The following ZNF678 variants were observed in gnomAD, a reference collection of about 807,000 sequenced individuals.
The protein encoded by ZNF678 is hypothetical protein MGC42493.
Under a neutral mutation model 3.0 loss-of-function variants are expected in ZNF678, and 5 were observed. The ratio of observed to expected loss-of-function variants is 1.69; its 90% CI spans 0.88 to 3.56. The LOEUF is 3.56. Among genes scored for constraint, ZNF678 ranks in the 30% most tolerant of loss-of-function variants. The pLI is 0.00. For missense variants in ZNF678, 593 were observed against 605.0 expected (o/e 0.98, Z 0.21); for synonymous variants, 218 against 199.6 (o/e 1.09, Z -0.78).
rs561518661 is a variant in ZNF678, at chr1:227,626,035, A to G, written c.-163-20509A>G. Reference sequence around the variant, plus strand: ...CGATGGGGCATCAATATTTCTGGGAAGCTGCATTCTCCCTAGAAGCTCTTC... The same window carrying G: ...CGATGGGGCATCAATATTTCTGGGAGGCTGCATTCTCCCTAGAAGCTCTTC... On this transcript the variant is annotated intron_variant, in intron 1 of 3. Transcript: ENST00000343776. 1.7e-4 allele frequency among the ~76,000 whole-genome samples: 26 copies of G among 152,294 alleles called. No homozygotes were observed. In the South Asian group the frequency reaches 4.6e-3, roughly 27 times the overall value.
At chr1:227,578,908 A>G (rs1304772962) in intron 1 of ZNF678, among the ~76,000 whole-genome samples, 1 of 152,018 alleles carries the variant, frequency 6.6e-6, no homozygotes, top group South Asian at 2.1e-4. Flanking sequence ...TGGCCTTTGG[A>G]TGCGCTTTCT....
chr1:227,588,597 T>C (rs1158439907), intron 1 of ZNF678, among the ~76,000 whole-genome samples: 1 of 151,300 alleles, frequency 6.6e-6, no homozygotes, highest in East Asian at 2.0e-4. Context: ...CCTCCTGTGT[T>C]CAAGTGATTT....
At chr1:227,602,109 T>C (rs1263778904) in intron 1 of ZNF678, among the ~76,000 whole-genome samples, 1 of 152,200 alleles carries the variant, frequency 6.6e-6, no homozygotes, top group African/African-American at 2.4e-5. Context: ...CTATGTTGAA[T>C]AGGAGTGGTT....
chr1:227,616,207 A>C (rs1658137296), intron 1 of ZNF678, among the ~76,000 whole-genome samples: 1 of 152,170 alleles, frequency 6.6e-6, no homozygotes, highest in Non-Finnish European at 1.5e-5. Flanking sequence ...CCTTCACCAA[A>C]GGAGAGATAG....
chr1:227,646,825 A>G (rs1470032735), intron 2 of ZNF678, among the ~76,000 whole-genome samples, 155 bp downstream of exon 2: 3 of 152,200 alleles, frequency 2.0e-5, no homozygotes, highest in African/African-American at 7.2e-5. Flanking sequence ...TGTAGAAAAT[A>G]AAATCTTCAA....
intron 1 of ZNF678, among the ~76,000 whole-genome samples, chr1:227,596,044 C>G (rs528042401): frequency 6.6e-6 from 1 of 152,118 alleles, no homozygotes; most frequent in African/African-American, 2.4e-5. Context: ...AGTTCCTTCC[C>G]GGTGTTTAGC....
intron 1 of ZNF678, among the ~76,000 whole-genome samples, chr1:227,626,107 G>A (rs1186273978): frequency 1.3e-5 from 2 of 152,188 alleles, no homozygotes; most frequent in African/African-American, 4.8e-5. Context: ...ACAGCAGCAT[G>A]GAGGAGGTGC....
chr1:227,608,089 C>T (rs1657923182), intron 1 of ZNF678, among the ~76,000 whole-genome samples: 1 of 151,712 alleles, frequency 6.6e-6, no homozygotes, highest in African/African-American at 2.4e-5. Flanking sequence ...GTTTAAGGCT[C>T]CAAAAGTATA....
At chr1:227,651,754 T>C (rs1239800401) in intron 3 of ZNF678, among the ~76,000 whole-genome samples, 2 of 152,152 alleles carry the variant, frequency 1.3e-5, no homozygotes, top group Non-Finnish European at 2.9e-5. Context: ...AATGTACTTT[T>C]TGTGTGACAG....
At position 227,637,307 on chromosome 1, in the gene ZNF678, G is replaced by A. The variant is rs545543767; in HGVS notation, c.-163-9237G>A. On this transcript the variant is annotated intron_variant, in intron 1 of 3. Transcript: ENST00000343776. ...GGGGTTTCTATGAATAGAGAATACA[G>A]TTGGAGGAGCCGTGAGGCAGAGATG... Among the ~76,000 whole-genome samples, 3 of 152,346 alleles carry A rather than the reference G, an allele frequency of 2.0e-5. No homozygotes were observed. In the South Asian group the frequency reaches 6.2e-4, roughly 32 times the overall value.
intron 1 of ZNF678, among the ~76,000 whole-genome samples, chr1:227,579,321 G>T (rs1335647162): frequency 6.6e-6 from 1 of 152,082 alleles, no homozygotes; most frequent in African/African-American, 2.4e-5. Context: ...GTGCAGGTCT[G>T]GGTGCTTAAT....
At chr1:227,563,807 C>T (rs970640489) in intron 1 of ZNF678, 83 bp downstream of exon 1, 11 of 1,244,016 alleles carry the variant, frequency 8.8e-6, no homozygotes, top group Non-Finnish European at 1.2e-5. Context: ...GGAGTCCCGG[C>T]TGGCACCTGT....
At chr1:227,610,646 C>G (rs776537790) in intron 1 of ZNF678, among the ~76,000 whole-genome samples, 1 of 152,184 alleles carries the variant, frequency 6.6e-6, no homozygotes, top group Non-Finnish European at 1.5e-5. Context: ...GTGACTATTT[C>G]CTGTCATTGG....
chr1:227,620,719 A>G (rs531048844), intron 1 of ZNF678, among the ~76,000 whole-genome samples: 30 of 152,340 alleles, frequency 2.0e-4, no homozygotes, highest in Non-Finnish European at 4.1e-4. Context: ...TTCAAAAATA[A>G]TATTTATTAA....
At chr1:227,626,179 G>A (rs1463638604) in intron 1 of ZNF678, among the ~76,000 whole-genome samples, 1 of 152,140 alleles carries the variant, frequency 6.6e-6, no homozygotes, top group Non-Finnish European at 1.5e-5. Context: ...GAGGGCCATG[G>A]CGATCTACGA....
chr1:227,568,984 A>C lies in ZNF678; in HGVS notation c.-164+5260A>C, dbSNP rs199942444. Among the ~76,000 whole-genome samples, 10 of 152,332 alleles carry C rather than the reference A, an allele frequency of 6.6e-5. No individual in the cohort carries two copies. The East Asian group carries it at 1.9e-3, about 29-fold the overall frequency. On this transcript the variant is annotated intron_variant, in intron 1 of 3. Transcript: ENST00000343776. Reference sequence around the variant, plus strand: ...TTCTGTACACAGGCTGTCACACTGCACTGTCCTGTGATTCCAGGTGTCCTC... The same window carrying C: ...TTCTGTACACAGGCTGTCACACTGCCCTGTCCTGTGATTCCAGGTGTCCTC...
intron 1 of ZNF678, among the ~76,000 whole-genome samples, chr1:227,625,519 C>T (rs1246017813): frequency 1.3e-5 from 2 of 152,104 alleles, no homozygotes; most frequent in East Asian, 3.8e-4. Context: ...AGTTTTACAG[C>T]TTTGATTTTG....
chr1:227,565,059 T>A (rs113872603), intron 1 of ZNF678, among the ~76,000 whole-genome samples: 4 of 122,742 alleles, frequency 3.3e-5, no homozygotes, highest in South Asian at 3.3e-4. Context: ...CCCGGCTTTT[T>A]TTTTTTTTTT....
At chr1:227,583,246 A>C (rs1657175387) in intron 1 of ZNF678, among the ~76,000 whole-genome samples, 1 of 152,086 alleles carries the variant, frequency 6.6e-6, no homozygotes, top group South Asian at 2.1e-4. Flanking sequence ...CAGGCAACAA[A>C]TATTATATTT....
Sources: allele counts gnomAD v4.1 joint callset (sites outside exome capture counted in the v4.1 genomes callset), GRCh38; gene constraint gnomAD v4.1.1; transcripts MANE v1.5; gene names NCBI Gene and HGNC (gene_info 2026-07-23, HGNC 2026-07-21).